RYR2: variants seen among roughly 807,000 people sequenced by gnomAD.
The protein encoded by RYR2 is ryanodine receptor 2.
A neutral mutation model predicts 601.1 loss-of-function variants in RYR2; 227 were observed. That is an observed-to-expected ratio of 0.38 (90% CI 0.34 to 0.42). The LOEUF (loss-of-function observed/expected upper bound fraction) is 0.42, where lower values mean the gene tolerates loss of function less well. RYR2 is among the 10% of genes least tolerant of loss of function. The pLI, the probability that RYR2 is intolerant of heterozygous loss-of-function variation, is 1.00. For missense variants in RYR2, 4,646 were observed against 6,156.5 expected (o/e 0.75, Z 8.21); for synonymous variants, 2,223 against 2,175.1 (o/e 1.02, Z -0.61).
intron 74 of RYR2, among the ~76,000 whole-genome samples, chr1:237,725,287 G>T (rs75684525): frequency 6.6e-6 from 1 of 152,078 alleles, no homozygotes; most frequent in Non-Finnish European, 1.5e-5. Context: ...TGAGTTAAAA[G>T]AAATTGTCGA....
intron 87 of RYR2, among the ~76,000 whole-genome samples, chr1:237,776,903 A>T (rs1462740263): frequency 1.3e-5 from 2 of 152,148 alleles, no homozygotes; most frequent in Non-Finnish European, 2.9e-5. Flanking sequence ...ATCAGACCTC[A>T]AGCATCTGGT....
chr1:237,420,746 G>T (rs1217551263), intron 11 of RYR2, among the ~76,000 whole-genome samples: 1 of 152,144 alleles, frequency 6.6e-6, no homozygotes, highest in Non-Finnish European at 1.5e-5. Flanking sequence ...TTCCAGATAC[G>T]CTAGCAAATA....
Position 237,164,425 on chromosome 1 carries a change from G to A in RYR2, c.49-106072G>A, listed in dbSNP as rs562222165. ...AGACGTGGTGAGCCATGTCATTGTT[G>A]GGTGCACAGTAGGTTTGGGCTCTTG... On this transcript the variant is annotated intron_variant, in intron 1 of 104. Coordinates refer to ENST00000366574, the MANE Select transcript of RYR2 (RefSeq NM_001035.3). 8.1e-4 allele frequency among the ~76,000 whole-genome samples: 123 copies of A among 152,312 alleles called. 1 individual carries two copies. The highest frequency in any genetic ancestry group is 2.1e-3 in the South Asian group (10 of 4,828).
At chr1:237,355,207 G>A (rs948745212) in intron 3 of RYR2, among the ~76,000 whole-genome samples, 1 of 152,122 alleles carries the variant, frequency 6.6e-6, no homozygotes, top group African/African-American at 2.4e-5. Context: ...TAGATGGGAG[G>A]TGAGTTAAGG....
At chr1:237,167,652 A>G (rs1330156703) in intron 1 of RYR2, among the ~76,000 whole-genome samples, 3 of 151,710 alleles carry the variant, frequency 2.0e-5, no homozygotes, top group Non-Finnish European at 4.4e-5. Context: ...GTAGTATGTG[A>G]AATTGAGTAA....
chr1:237,335,368 G>A (rs1300524500), intron 3 of RYR2, among the ~76,000 whole-genome samples: 2 of 152,140 alleles, frequency 1.3e-5, no homozygotes, highest in African/African-American at 4.8e-5. Context: ...CATCTCCTAT[G>A]AGCACAGATA....
At chr1:237,578,014 G>T (rs1327081048) in intron 29 of RYR2, among the ~76,000 whole-genome samples, 1 of 152,068 alleles carries the variant, frequency 6.6e-6, no homozygotes, top group Non-Finnish European at 1.5e-5. Flanking sequence ...TGTTAGCCAG[G>T]CTGGTGGCTG....
chr1:237,063,210 C>A (rs1167565587), intron 1 of RYR2, among the ~76,000 whole-genome samples: 1 of 152,170 alleles, frequency 6.6e-6, no homozygotes, highest in Non-Finnish European at 1.5e-5. Context: ...CAGAACCTGG[C>A]CATGCTGGCT....
chr1:237,438,504 A>G (rs1397502813), intron 12 of RYR2, among the ~76,000 whole-genome samples: 1 of 152,156 alleles, frequency 6.6e-6, no homozygotes, highest in Admixed American at 6.5e-5. Context: ...TCTCTCTTTT[A>G]CATGAGGAGT....
intron 20 of RYR2, among the ~76,000 whole-genome samples, chr1:237,497,453 G>C (rs558672424): frequency 1.3e-5 from 2 of 152,160 alleles, no homozygotes; most frequent in Non-Finnish European, 2.9e-5. Flanking sequence ...TAAAAGCTTA[G>C]CTCTTGATTA....
rs553585578 is a variant in RYR2, at chr1:237,330,228, T to G, written c.169-650T>G. On this transcript the variant is annotated intron_variant, in intron 2 of 104. Transcript: ENST00000366574. ...AGGAATCTAACTTCTCTGTTTATCC[T>G]GTTCACACGAGTGATAGTAATAATC... 4.6e-5 allele frequency among the ~76,000 whole-genome samples: 7 copies of G among 152,366 alleles called. No homozygotes were observed. In the South Asian group the frequency reaches 1.4e-3, roughly 32 times the overall value.
In RYR2 at chr1:237,651,419, G is replaced by A. The variant is rs1682718413; in HGVS notation, c.7742G>A (p.Arg2581Lys). The A allele has an allele frequency of 1.9e-6, 3 of 1,592,850 alleles. No individual in the cohort carries two copies. Among genetic ancestry groups the A allele is most frequent in the South Asian group, 1.1e-5 (1 of 87,208 alleles). Residue 2581 changes from arginine to lysine, a missense_variant, in exon 51 of 105, where the codon AGA (arginine) becomes AAA (lysine). By Grantham distance (26) the Arg-to-Lys change is conservative. This residue lies in a region of RYR2 where 1,497 missense variants were observed against 1,842.6 expected (regional missense o/e 0.81). Coordinates refer to ENST00000366574, the MANE Select transcript of RYR2 (RefSeq NM_001035.3). ...TAGCTTTGTTCCAACAGACAACTGA[G>A]ACCTTCTATGATGCAGCACTTACTC... ...VCLLSICGQL[R>K]PSMMQHLLRR...
chr1:237,645,181 T>C (rs1170693334), intron 48 of RYR2, among the ~76,000 whole-genome samples: 1 of 152,194 alleles, frequency 6.6e-6, no homozygotes, highest in Non-Finnish European at 1.5e-5. Flanking sequence ...AGGTAGCTCA[T>C]CCTGTTTGCC....
intron 56 of RYR2, among the ~76,000 whole-genome samples, chr1:237,662,897 A>T (rs1172046581): frequency 6.6e-6 from 1 of 152,234 alleles, no homozygotes; most frequent in Non-Finnish European, 1.5e-5. Flanking sequence ...CTTTCTAAAG[A>T]TGTACCTTTG....
intron 84 of RYR2, among the ~76,000 whole-genome samples, chr1:237,766,384 C>A (rs1693850214): frequency 6.6e-6 from 1 of 152,178 alleles, no homozygotes; most frequent in African/African-American, 2.4e-5. Context: ...GAAATTGACT[C>A]CTCCAAAGAT....
chr1:237,347,214 T>G (rs749641167), intron 3 of RYR2, among the ~76,000 whole-genome samples: 1 of 152,014 alleles, frequency 6.6e-6, no homozygotes, highest in African/African-American at 2.4e-5. Flanking sequence ...TCCCAGCTAC[T>G]CAGGAGGCTG....
chr1:237,751,726 C>T (rs1462730978), intron 80 of RYR2, among the ~76,000 whole-genome samples: 1 of 152,072 alleles, frequency 6.6e-6, no homozygotes, highest in Non-Finnish European at 1.5e-5. Context: ...ACTTTGATAC[C>T]ATTTTTACAG....
At chr1:237,308,670 G>A (rs184679341) in intron 2 of RYR2, among the ~76,000 whole-genome samples, 28 of 152,280 alleles carry the variant, frequency 1.8e-4, no homozygotes, top group African/African-American at 4.8e-4. Flanking sequence ...TAAAGCTGAG[G>A]ACCTTAGCGG....
intron 12 of RYR2, among the ~76,000 whole-genome samples, chr1:237,423,767 C>T (rs763747493): frequency 3.3e-5 from 5 of 152,140 alleles, no homozygotes; most frequent in African/African-American, 7.2e-5. Flanking sequence ...TTCTTATATG[C>T]GGACCTTCAT....
Sources: allele counts gnomAD v4.1 joint callset (sites outside exome capture counted in the v4.1 genomes callset), GRCh38; gene constraint gnomAD v4.1.1; regional missense constraint gnomAD v4.1.1; transcripts MANE v1.5; gene names NCBI Gene and HGNC (gene_info 2026-07-23, HGNC 2026-07-21).